ZFR2: variants seen among roughly 807,000 people sequenced by gnomAD.
ZFR2 encodes the protein zinc finger RNA-binding protein 2.
ZFR2 carries 104 observed loss-of-function variants against 105.7 expected under a neutral mutation model. The ratio of observed to expected loss-of-function variants is 0.98; its 90% CI spans 0.84 to 1.16. The LOEUF (loss-of-function observed/expected upper bound fraction) is 1.16. ZFR2 is among the 50% of genes most tolerant of loss of function. The pLI is 0.00. For synonymous variants in ZFR2, 634 were observed against 597.7 expected, an observed-to-expected ratio of 1.06 and a Z score of -0.89; for missense variants, 1,425 against 1,355.5, an observed-to-expected ratio of 1.05 and a Z score of -0.80.
Position 3,818,300 on chromosome 19 carries a change from G to A in ZFR2, c.1931+745C>T, listed in dbSNP as rs549795610. On this transcript the variant is annotated intron_variant, in intron 12 of 18. Transcript: ENST00000262961. Reference sequence around the variant, plus strand: ...GGCTAACATAGCGAGACCTCTCCCTGCTACAAAGAGTTAACAATTAGCTGG... The same window carrying A: ...GGCTAACATAGCGAGACCTCTCCCTACTACAAAGAGTTAACAATTAGCTGG... 2.6e-5 allele frequency among the ~76,000 whole-genome samples: 4 copies of A among 152,194 alleles called. 1 individual carries two copies. In the South Asian group the frequency reaches 8.3e-4, roughly 32 times the overall value.
Position 3,828,724 on chromosome 19 carries a change from CA to C in ZFR2, c.853-1072del, listed in dbSNP as rs1389761033. 2.6e-5 allele frequency among the ~76,000 whole-genome samples: 4 copies of C among 152,288 alleles called. No individual in the cohort carries two copies. In the East Asian group the frequency reaches 7.7e-4, roughly 29 times the overall value. On this transcript the variant is annotated intron_variant, in intron 5 of 18. Coordinates refer to ENST00000262961, the MANE Select transcript of ZFR2 (RefSeq NM_015174.2). Reference sequence around the variant, plus strand: ...ATCCTCAAATGAAGCCGGCCACAGACAAGACGTGGCAGGAGGGCCACGAAAC... The same window carrying C: ...ATCCTCAAATGAAGCCGGCCACAGACAGACGTGGCAGGAGGGCCACGAAAC...
Position 3,820,154 on chromosome 19 carries a change from G to C in ZFR2, c.1740+28C>G, listed in dbSNP as rs1029210667. On this transcript the variant is annotated intron_variant, in intron 11 of 18. Transcript: ENST00000262961. ...CTCCGGGGAGTGTGAGGTCGCCCGCGTTTGCACACAGAGGAAACTGTACCT... is the reference window on the plus strand; with the variant it reads ...CTCCGGGGAGTGTGAGGTCGCCCGCCTTTGCACACAGAGGAAACTGTACCT... 3.9e-6 allele frequency: 6 copies of C among 1,548,942 alleles called. No homozygotes were observed. In the African/African-American group the frequency reaches 8.2e-5, roughly 21 times the overall value.
Position 3,831,549 on chromosome 19 carries a change from G to T in ZFR2, c.606C>A (p.Ser202Arg). 1 of 1,563,872 alleles carries T rather than the reference G, an allele frequency of 6.4e-7. No individual in the cohort carries two copies. Among genetic ancestry groups the T allele is most frequent in the Non-Finnish European group, 8.7e-7 (1 of 1,154,590 alleles). Residue 202 changes from serine to arginine, a missense_variant, in exon 5 of 19, where the codon AGC (serine) becomes AGA (arginine). Coordinates refer to ENST00000262961, the MANE Select transcript of ZFR2 (RefSeq NM_015174.2). ...NPTCTAYTAPSYPNYDASVYS... is the reference protein window; with the variant it reads ...NPTCTAYTAPRYPNYDASVYS... ...ACACCGACGCGTCATAGTTCGGGTA[G>T]CTTGGTGCTGAGCAGCAGAGAAAAC...
chr19:3,823,523 C>A lies in ZFR2; in HGVS notation c.1214-120G>T. ...ACTGCAGGCTGTGCCATCCCCCTCCCTCCTGTGATGTCAGGGGGAATGGCC... is the reference window on the plus strand; with the variant it reads ...ACTGCAGGCTGTGCCATCCCCCTCCATCCTGTGATGTCAGGGGGAATGGCC... On this transcript the variant is annotated intron_variant, in intron 7 of 18. Coordinates refer to ENST00000262961, the MANE Select transcript of ZFR2 (RefSeq NM_015174.2). This position sits in a 1 kb window ranked among gnomAD's most constrained non-coding sequence, Gnocchi z 5.4. The A allele has an allele frequency of 9.8e-7, 1 of 1,021,054 alleles. No individual in the cohort carries two copies. The highest frequency in any genetic ancestry group is 2.6e-5 in the East Asian group (1 of 38,296). The allele number at this position is 1,021,054 out of a possible 1,614,324, so 63.2% of individuals were successfully genotyped here. A position where few individuals can be genotyped will look rare whatever the true frequency, so the allele number is the denominator to read the frequency against.
intron 1 of ZFR2, among the ~76,000 whole-genome samples, chr19:3,837,373 G>A (rs2038086443): frequency 6.6e-6 from 1 of 151,648 alleles, no homozygotes; most frequent in South Asian, 2.1e-4. Context: ...CATGACACTC[G>A]ATGAACACCA....
At position 3,833,736 on chromosome 19, in the gene ZFR2, C is replaced by T. The variant is rs777058245; in HGVS notation, c.307G>A (p.Glu103Lys). The T allele has an allele frequency of 2.5e-6, 4 of 1,583,662 alleles. No individual in the cohort carries two copies. The South Asian group carries it at 3.5e-5, about 14-fold the overall frequency. Residue 103 changes from glutamate to lysine, a missense_variant, in exon 3 of 19, where the codon GAG becomes AAG. Physicochemically the swap from Glu to Lys is moderately conservative, Grantham distance 56. Coordinates refer to ENST00000262961, the MANE Select transcript of ZFR2 (RefSeq NM_015174.2). Reference protein sequence around the residue: ...YGQSAAARSYEDRPYFQSAAL... With the variant: ...YGQSAAARSYKDRPYFQSAAL... ...GCAGACTGGAAGTACGGCCTGTCCTCATAGCTCCTGGCAGCTGCTGACTGT... is the reference window on the plus strand; with the variant it reads ...GCAGACTGGAAGTACGGCCTGTCCTTATAGCTCCTGGCAGCTGCTGACTGT...
At chr19:3,854,632 C>T (rs2145185913) in intron 1 of ZFR2, among the ~76,000 whole-genome samples, 1 of 152,250 alleles carries the variant, frequency 6.6e-6, no homozygotes, top group South Asian at 2.1e-4. Context: ...ATGGTTAGGG[C>T]AGGGGTCTTG....
chr19:3,814,060 C>T, intron 13 of ZFR2, 102 bp from the exon 14 acceptor site: 1 of 1,516,768 alleles, frequency 6.6e-7, no homozygotes, highest in Non-Finnish European at 8.9e-7. Flanking sequence ...TCCCGTCGGG[C>T]CTCCCACACT....
intron 13 of ZFR2, among the ~76,000 whole-genome samples, chr19:3,814,454 T>C (rs1302441824): frequency 6.6e-6 from 1 of 152,160 alleles, no homozygotes; most frequent in Non-Finnish European, 1.5e-5. Flanking sequence ...GTCATCACCC[T>C]CCATGAGGCC....
chr19:3,820,082 T>G, intron 11 of ZFR2, 100 bp downstream of exon 11: 5 of 1,144,308 alleles, frequency 4.4e-6, no homozygotes, highest in Non-Finnish European at 6.4e-6. Context: ...CTGAGTACTA[T>G]GTGGGAGTTG....
At chr19:3,850,714 T>G (rs1261592483) in intron 1 of ZFR2, among the ~76,000 whole-genome samples, 1 of 110,860 alleles carries the variant, frequency 9.0e-6, no homozygotes, top group African/African-American at 3.8e-5. Flanking sequence ...GGATCCCATC[T>G]CTACAGAAAA....
At chr19:3,849,123 G>A (rs1417083381) in intron 1 of ZFR2, among the ~76,000 whole-genome samples, 1 of 152,258 alleles carries the variant, frequency 6.6e-6, no homozygotes, top group Non-Finnish European at 1.5e-5. Flanking sequence ...CCTGGGTCCT[G>A]AGACCTTGCC....
Position 3,833,807 on chromosome 19 carries a change from C to T in ZFR2, c.265-29G>A. The T allele has an allele frequency of 2.0e-6, 3 of 1,538,338 alleles. No homozygotes were observed. In the East Asian group the frequency reaches 7.3e-5, roughly 37 times the overall value. On this transcript the variant is annotated intron_variant, in intron 2 of 18. Transcript: ENST00000262961. ...TGTGGGGGTTTCGGCAGGAGAGAGA[C>T]AGAGAACGGAGGAGAGCAGCTCAGG...
chr19:3,846,730 A>G (rs1388567995), intron 1 of ZFR2, among the ~76,000 whole-genome samples: 1 of 152,230 alleles, frequency 6.6e-6, no homozygotes, highest in Non-Finnish European at 1.5e-5. Flanking sequence ...AAATATCACA[A>G]TTCATTCACC....
chr19:3,832,641 A>T (rs117886878), intron 3 of ZFR2, among the ~76,000 whole-genome samples: 32,535 of 131,620 alleles, frequency 0.25, 3,743 homozygotes, highest in South Asian at 0.41. Context: ...TTTTTTTTTT[A>T]TTTTTTATTT....
At chr19:3,843,450 G>C (rs2038154239) in intron 1 of ZFR2, among the ~76,000 whole-genome samples, 1 of 152,148 alleles carries the variant, frequency 6.6e-6, no homozygotes, top group Middle Eastern at 3.4e-3. Flanking sequence ...CAGCCTGGGA[G>C]ACAGAGCAAG....
intron 7 of ZFR2, 117 bp downstream of exon 7, chr19:3,825,113 C>T: frequency 7.9e-7 from 1 of 1,262,418 alleles, no homozygotes; most frequent in East Asian, 3.0e-5. Flanking sequence ...GCCAGCCCCT[C>T]ACCACCCCCC....
In ZFR2 at chr19:3,840,141, T is replaced by C. The variant is rs891062522; in HGVS notation, c.54-5158A>G. On this transcript the variant is annotated intron_variant, in intron 1 of 18. Transcript: ENST00000262961. The stretch of plus-strand genomic sequence containing the variant: ...TTCTTCCCTACGCTGTCCTCCTACC[T>C]GGACAAAGGATCCTCTGCCCAGGCC... 4.6e-5 allele frequency among the ~76,000 whole-genome samples: 7 copies of C among 152,302 alleles called. No homozygotes were observed. In the Middle Eastern group the frequency reaches 0.01, roughly 222 times the overall value.
chr19:3,840,604 A>C (rs1027293061), intron 1 of ZFR2, among the ~76,000 whole-genome samples: 3 of 152,034 alleles, frequency 2.0e-5, no homozygotes, highest in Admixed American at 6.6e-5. Context: ...ATCATAGCTC[A>C]CTGTAGCCTC....
Sources: allele counts gnomAD v4.1 joint callset (sites outside exome capture counted in the v4.1 genomes callset), GRCh38; gene constraint gnomAD v4.1.1; non-coding constraint Gnocchi (gnomAD v3.1); transcripts MANE v1.5; gene names NCBI Gene and HGNC (gene_info 2026-07-23, HGNC 2026-07-21).